Variants in IGSF3 observed in about 807,000 individuals in gnomAD.
IGSF3 encodes the protein glu-Trp-Ile EWI motif-containing protein 3.
A neutral mutation model predicts 114.4 loss-of-function variants in IGSF3; 23 were observed. That is an observed-to-expected ratio of 0.20 (90% CI 0.14 to 0.28). The LOEUF (loss-of-function observed/expected upper bound fraction) is 0.28, where lower values mean the gene tolerates loss of function less well. Among genes scored for constraint, IGSF3 ranks in the 10% least tolerant of loss-of-function variants. The pLI is 1.00. For synonymous variants in IGSF3, 571 were observed against 645.2 expected (o/e 0.88, Z 1.74); for missense variants, 1,172 against 1,591.5 (o/e 0.74, Z 4.48).
chr1:116,587,873 C>T (rs1451746609), intron 8 of IGSF3, among the ~76,000 whole-genome samples: 3 of 152,086 alleles, frequency 2.0e-5, no homozygotes, highest in African/African-American at 7.2e-5. Context: ...GTGACAACAA[C>T]GAATTGCAGG....
chr1:116,591,397 T>C (rs910630776), intron 7 of IGSF3, among the ~76,000 whole-genome samples: 5 of 152,178 alleles, frequency 3.3e-5, no homozygotes, highest in Non-Finnish European at 7.3e-5. Flanking sequence ...GTATTATTAA[T>C]TGGGGCCGGA....
chr1:116,583,704 T>A lies in IGSF3; in HGVS notation c.2848+941A>T, dbSNP rs1659689187. Among the ~76,000 whole-genome samples, 1 of 152,238 alleles carries A rather than the reference T, an allele frequency of 6.6e-6. No individual in the cohort carries two copies. On this transcript the variant is annotated intron_variant, in intron 9 of 10. Transcript: ENST00000369486. The surrounding 1 kb of genome is among the most constrained non-coding windows in gnomAD (Gnocchi z 4.5). ...GGTCCTTACAGGAACCATCGACTTT[T>A]CATTCTAATATGAATGGATGATGCT...
intron 2 of IGSF3, among the ~76,000 whole-genome samples, chr1:116,637,121 G>A (rs1328066468): frequency 6.6e-6 from 1 of 152,156 alleles, no homozygotes; most frequent in African/African-American, 2.4e-5. Flanking sequence ...CGCATGCAGA[G>A]AGTGATGGAA....
Position 116,614,331 on chromosome 1 carries a change from C to T in IGSF3, c.422-156G>A, listed in dbSNP as rs1162375904. ...AAGGCCACAGACAGCCCCAAATGCA[C>T]ATAAACAGAAAGTTTTCTGTTTGGA... On this transcript the variant is annotated intron_variant, in intron 3 of 10. Transcript: ENST00000369486. The surrounding 1 kb of genome is among the most constrained non-coding windows in gnomAD (Gnocchi z 4.5). Among the ~76,000 whole-genome samples, 1 of 152,248 alleles carries T rather than the reference C, an allele frequency of 6.6e-6. No individual in the cohort carries two copies. Among genetic ancestry groups the T allele is most frequent in the African/African-American group, 2.4e-5 (1 of 41,476 alleles).
rs1292712358 is a variant in IGSF3, at chr1:116,644,075, C to T, written c.43+22209G>A. On this transcript the variant is annotated intron_variant, in intron 2 of 10. Coordinates refer to ENST00000369486, the MANE Select transcript of IGSF3 (RefSeq NM_001007237.3). The surrounding 1 kb of genome is among the most constrained non-coding windows in gnomAD (Gnocchi z 5.6). ...CCCTTAGAAAGGGGTCCCACGCTGTCCATCTGGGCCCCTACACCAAAGAAC... is the reference window on the plus strand; with the variant it reads ...CCCTTAGAAAGGGGTCCCACGCTGTTCATCTGGGCCCCTACACCAAAGAAC... Among the ~76,000 whole-genome samples, 5 of 152,220 alleles carry T rather than the reference C, an allele frequency of 3.3e-5. No individual in the cohort carries two copies. Among genetic ancestry groups the T allele is most frequent in the Admixed American group, 3.3e-4 (5 of 15,286 alleles).
chr1:116,606,985 TACTTGAAGAGAAATATCAC>T (rs1201748454), intron 5 of IGSF3, among the ~76,000 whole-genome samples: 2 of 152,334 alleles, frequency 1.3e-5, no homozygotes, highest in East Asian at 1.9e-4. Context: ...CCGCTGTGGC[TACTTGAAGAGAAATATCAC>T]ACTTGAAGAG....
chr1:116,632,419 C>A lies in IGSF3; in HGVS notation c.44-15962G>T, dbSNP rs1225978465. Among the ~76,000 whole-genome samples the A allele has an allele frequency of 6.6e-6, 1 of 152,116 alleles. No individual in the cohort carries two copies. The highest frequency in any genetic ancestry group is 1.5e-5 in the Non-Finnish European group (1 of 68,038). ...ACTGTCATTGGATGGTGACATTCCC[C>A]AGGACTCAAGCAGCATCTGAGAAGC... On this transcript the variant is annotated intron_variant, in intron 2 of 10. Transcript: ENST00000369486. This position sits in a 1 kb window ranked among gnomAD's most constrained non-coding sequence, Gnocchi z 5.1.
chr1:116,635,223 A>G (rs1390921889), intron 2 of IGSF3, among the ~76,000 whole-genome samples: 1 of 152,140 alleles, frequency 6.6e-6, no homozygotes, highest in Non-Finnish European at 1.5e-5. Context: ...ATTCTCACTG[A>G]TTTTTTGCCA....
At position 116,636,440 on chromosome 1, in the gene IGSF3, T is replaced by C. The variant is rs1306463772; in HGVS notation, c.44-19983A>G. Among the ~76,000 whole-genome samples the C allele has an allele frequency of 6.6e-6, 1 of 152,188 alleles. No homozygotes were observed. Among genetic ancestry groups the C allele is most frequent in the Non-Finnish European group, 1.5e-5 (1 of 68,016 alleles). Reference sequence around the variant, plus strand: ...ACTGCTGCTCTCCAATAGCATGAAGTAGACAATGATGTTCTTAGCATCCAG... The same window carrying C: ...ACTGCTGCTCTCCAATAGCATGAAGCAGACAATGATGTTCTTAGCATCCAG... On this transcript the variant is annotated intron_variant, in intron 2 of 10. Transcript: ENST00000369486. This position sits in a 1 kb window ranked among gnomAD's most constrained non-coding sequence, Gnocchi z 4.5.
rs4044739 is a variant in IGSF3, at chr1:116,638,688, G to T, written c.44-22231C>A. On this transcript the variant is annotated intron_variant, in intron 2 of 10. Coordinates refer to ENST00000369486, the MANE Select transcript of IGSF3 (RefSeq NM_001007237.3). This position sits in a 1 kb window ranked among gnomAD's most constrained non-coding sequence, Gnocchi z 4.1. ...GCTAAAAACAAGATGGAAAAGAAAAGAGAAGAGGAAGAGAGAAAAAGAGAA... is the reference window on the plus strand; with the variant it reads ...GCTAAAAACAAGATGGAAAAGAAAATAGAAGAGGAAGAGAGAAAAAGAGAA... Among the ~76,000 whole-genome samples the T allele has an allele frequency of 1.3e-5, 2 of 152,170 alleles. No homozygotes were observed. Among genetic ancestry groups the T allele is most frequent in the Non-Finnish European group, 2.9e-5 (2 of 68,026 alleles).
rs910753375 is a variant in IGSF3 at position 116,579,061 on chromosome 1, G to C, written c.3334+331C>G. 6.6e-6 allele frequency among the ~76,000 whole-genome samples: 1 copy of C among 152,156 alleles called. No individual in the cohort carries two copies. The highest frequency in any genetic ancestry group is 2.4e-5 in the African/African-American group (1 of 41,430). The stretch of plus-strand genomic sequence containing the variant: ...ACGCTTGCTAATTCGCTAAAGACTA[G>C]TTCCAATATTCTAAAAAATAACAAA... On this transcript the variant is annotated intron_variant, in intron 10 of 10. Transcript: ENST00000369486. The surrounding 1 kb of genome is among the most constrained non-coding windows in gnomAD (Gnocchi z 6.4).
chr1:116,629,686 T>C lies in IGSF3; in HGVS notation c.44-13229A>G, dbSNP rs1241674559. ...AGGTCAACTTTGCAGGTGTGTGAAG[T>C]GTCAAATGGTTAATCAGTTGCCCTC... is the stretch of plus-strand genomic sequence containing the variant. On this transcript the variant is annotated intron_variant, in intron 2 of 10. Transcript: ENST00000369486. This position sits in a 1 kb window ranked among gnomAD's most constrained non-coding sequence, Gnocchi z 4.3. Among the ~76,000 whole-genome samples the C allele has an allele frequency of 6.6e-6, 1 of 152,200 alleles. No individual in the cohort carries two copies. Among genetic ancestry groups the C allele is most frequent in the Admixed American group, 6.5e-5 (1 of 15,280 alleles).
chr1:116,631,042 G>C (rs138302878), intron 2 of IGSF3, among the ~76,000 whole-genome samples: 2,853 of 152,232 alleles, frequency 0.019, 91 homozygotes, highest in African/African-American at 0.065. Flanking sequence ...GGCTTGGCCG[G>C]GCATGGTGGC....
chr1:116,624,053 C>T lies in IGSF3; in HGVS notation c.44-7596G>A, dbSNP rs2101029560. Among the ~76,000 whole-genome samples, 1 of 141,686 alleles carries T rather than the reference C, an allele frequency of 7.1e-6. No homozygotes were observed. Among genetic ancestry groups the T allele is most frequent in the South Asian group, 2.1e-4 (1 of 4,676 alleles). The allele number at this position is 141,686 out of a possible 152,430, so 93.0% of individuals were successfully genotyped here. A position where few individuals can be genotyped will look rare whatever the true frequency, so the allele number is the denominator to read the frequency against. On this transcript the variant is annotated intron_variant, in intron 2 of 10. Coordinates refer to ENST00000369486, the MANE Select transcript of IGSF3 (RefSeq NM_001007237.3). This position sits in a 1 kb window ranked among gnomAD's most constrained non-coding sequence, Gnocchi z 4.9. ...AGTGAGCCGAGATCATGTCATTGCACTGTGGGCTGGGCAACAGAGAAAGAC... is the reference window on the plus strand; with the variant it reads ...AGTGAGCCGAGATCATGTCATTGCATTGTGGGCTGGGCAACAGAGAAAGAC...
chr1:116,588,402 C>G lies in IGSF3; in HGVS notation c.2440+292G>C, dbSNP rs1285441737. Among the ~76,000 whole-genome samples the G allele has an allele frequency of 6.6e-6, 1 of 152,156 alleles. No individual in the cohort carries two copies. On this transcript the variant is annotated intron_variant, in intron 8 of 10. Coordinates refer to ENST00000369486, the MANE Select transcript of IGSF3 (RefSeq NM_001007237.3). This position sits in a 1 kb window ranked among gnomAD's most constrained non-coding sequence, Gnocchi z 4.9. ...GAAGATTCAGGAGCTGCCATGAACC[C>G]TGCCTTGCCACATTTTGCTAACCAC... is the stretch of plus-strand genomic sequence containing the variant.
rs1661126303 is a variant in IGSF3 at position 116,614,052 on chromosome 1, G to A, written c.545C>T (p.Ala182Val). 1 of 1,614,152 alleles carries A rather than the reference G, an allele frequency of 6.2e-7. No homozygotes were observed. The highest frequency in any genetic ancestry group is 1.3e-5 in the African/African-American group (1 of 75,052). Residue 182 changes from alanine to valine, a missense_variant, in exon 4 of 11, where the codon GCC becomes GTC. This residue lies in a region of IGSF3 where 736 missense variants were observed against 1,042.0 expected (regional missense o/e 0.71). Transcript: ENST00000369486. The surrounding 1 kb of genome is among the most constrained non-coding windows in gnomAD (Gnocchi z 4.5). Reference protein sequence around the residue: ...ETIQHSHLSVAWLRQKVGEKP... With the variant: ...ETIQHSHLSVVWLRQKVGEKP... ...CTCGCCAACTTTCTGCCGGAGCCAG[G>A]CCACAGACAGGTGGCTGTGCTGAAT... is the stretch of plus-strand genomic sequence containing the variant.
At position 116,584,703 on chromosome 1, in the gene IGSF3, C is replaced by T. The variant is rs1422320410; in HGVS notation, c.2790G>A (p.Met930Ile). The change falls in exon 9 of 11, where the codon ATG becomes ATA. Residue 930 changes from methionine (M) to isoleucine (I), a missense_variant. By Grantham distance (10) the Met-to-Ile change is conservative (BLOSUM62 1). Transcript: ENST00000369486. This position sits in a 1 kb window ranked among gnomAD's most constrained non-coding sequence, Gnocchi z 5.8. ...VEEWLPSPSG[M>I]WYKRAEDTAG... ...CGGTGTCCTCTGCCCGCTTATACCACATGCCACTGGGGCTGGGCAGCCACT... is the reference window on the plus strand; with the variant it reads ...CGGTGTCCTCTGCCCGCTTATACCATATGCCACTGGGGCTGGGCAGCCACT... 1 of 1,613,762 alleles carries T rather than the reference C, an allele frequency of 6.2e-7. No individual in the cohort carries two copies. The highest frequency in any genetic ancestry group is 8.5e-7 in the Non-Finnish European group (1 of 1,179,724).
intron 2 of IGSF3, among the ~76,000 whole-genome samples, chr1:116,653,847 G>A (rs1369788945): frequency 6.6e-6 from 1 of 152,214 alleles, no homozygotes; most frequent in East Asian, 1.9e-4. Context: ...ACGCAGAACT[G>A]GAACCAATCA....
rs1357830318 is a variant in IGSF3 at position 116,603,753 on chromosome 1, A to T, written c.1495T>A (p.Phe499Ile). The part of the protein sequence containing the change: ...VQPNSFSLGI[F>I]NSRKEDEGQY... Reference sequence around the variant, plus strand: ...CCCTCGTCCTCCTTCCTGCTGTTGAAGATGCCCAGGCTGAACGAGTTGGGC... The same window carrying T: ...CCCTCGTCCTCCTTCCTGCTGTTGATGATGCCCAGGCTGAACGAGTTGGGC... The change falls in exon 6 of 11, where the codon TTC (phenylalanine) becomes ATC (isoleucine). Residue 499 changes from phenylalanine to isoleucine, a missense_variant. Around this residue, in one of 3 missense-constraint regions of IGSF3, gnomAD observed 736 missense variants for 1,042.0 expected, o/e 0.71. Transcript: ENST00000369486. This position sits in a 1 kb window ranked among gnomAD's most constrained non-coding sequence, Gnocchi z 7.1. 1 of 1,613,884 alleles carries T rather than the reference A, an allele frequency of 6.2e-7. No individual in the cohort carries two copies. Among genetic ancestry groups the T allele is most frequent in the Non-Finnish European group, 8.5e-7 (1 of 1,179,880 alleles).
Sources: allele counts gnomAD v4.1 joint callset (sites outside exome capture counted in the v4.1 genomes callset), GRCh38; gene constraint gnomAD v4.1.1; regional missense constraint gnomAD v4.1.1; non-coding constraint Gnocchi (gnomAD v3.1); transcripts MANE v1.5; gene names NCBI Gene and HGNC (gene_info 2026-07-23, HGNC 2026-07-21).